ADORA2B: variants seen among roughly 807,000 people sequenced by gnomAD.
ADORA2B encodes the protein adenosine receptor A2b.
In ADORA2B, 18 loss-of-function variants were observed where a neutral mutation model predicts 20.8. The ratio of observed to expected loss-of-function variants is 0.87; its 90% CI spans 0.60 to 1.29. ADORA2B has a LOEUF of 1.29. ADORA2B is among the 50% of genes most tolerant of loss of function. The pLI is 0.00. For missense variants in ADORA2B, 441 were observed against 422.7 expected, an observed-to-expected ratio of 1.04 and a Z score of -0.38; for synonymous variants, 179 against 178.3, an observed-to-expected ratio of 1.00 and a Z score of -0.03.
intron 1 of ADORA2B, among the ~76,000 whole-genome samples, chr17:15,957,459 A>G (rs1308061459): frequency 6.6e-6 from 1 of 152,204 alleles, no homozygotes; most frequent in African/African-American, 2.4e-5. Flanking sequence ...GCTGGAAGAC[A>G]GGGCACACGG....
chr17:15,937,546 A>G, the ADORA2B span, among the ~76,000 whole-genome samples: 2 of 151,664 alleles, frequency 1.3e-5, no homozygotes, highest in Non-Finnish European at 2.9e-5. Context: ...ACATATTCCC[A>G]GGAATAAGAG....
At chr17:15,946,815 C>T (rs1037516583) in intron 1 of ADORA2B, among the ~76,000 whole-genome samples, 1 of 152,190 alleles carries the variant, frequency 6.6e-6, no homozygotes, top group South Asian at 2.1e-4. Flanking sequence ...GCCATCAGGC[C>T]ACTCTGCAAG....
Position 15,975,546 on chromosome 17 carries a change from A to G in ADORA2B, c.*204A>G, listed in dbSNP as rs535176480. ...GGATTGACAAATATATTTATGATCTATTCAGCTGCTTTTACTGTGTGGATT... is the reference window on the plus strand; with the variant it reads ...GGATTGACAAATATATTTATGATCTGTTCAGCTGCTTTTACTGTGTGGATT... On this transcript the variant is annotated 3_prime_UTR_variant, in exon 2 of 2. Coordinates refer to ENST00000304222, the MANE Select transcript of ADORA2B (RefSeq NM_000676.4). 1.0e-5 allele frequency: 6 copies of G among 589,406 alleles called. No individual in the cohort carries two copies. The highest frequency in any genetic ancestry group is 3.7e-5 in the African/African-American group (2 of 53,750). 36.5% of individuals were successfully genotyped at this position (589,406 alleles called of 1,614,324 possible).
chr17:15,924,518 T>C, the ADORA2B span, among the ~76,000 whole-genome samples: 2 of 151,996 alleles, frequency 1.3e-5, no homozygotes, highest in Admixed American at 1.3e-4. Context: ...AATCACGAGG[T>C]CAGGAGATCG....
At chr17:15,917,324 C>T in the ADORA2B span, among the ~76,000 whole-genome samples, 1 of 152,302 alleles carries the variant, frequency 6.6e-6, no homozygotes, top group African/African-American at 2.4e-5. Context: ...CTGGTGTCCT[C>T]TTGAAGAGGG....
the ADORA2B span, among the ~76,000 whole-genome samples, chr17:15,870,972 T>C: frequency 3.8e-3 from 572 of 152,326 alleles, 1 homozygote; most frequent in Non-Finnish European, 6.3e-3. Flanking sequence ...CACAGTGGCT[T>C]CTGAAGTGGC....
the ADORA2B span, among the ~76,000 whole-genome samples, chr17:15,861,757 C>T: frequency 1.3e-5 from 2 of 152,204 alleles, no homozygotes; most frequent in African/African-American, 2.4e-5. Flanking sequence ...TTTCAGTGCC[C>T]CTGGTCACCC....
At chr17:15,942,281 T>G (rs1393018277), upstream of ADORA2B, among the ~76,000 whole-genome samples, 1 of 152,124 alleles carries the variant, frequency 6.6e-6, no homozygotes, top group East Asian at 1.9e-4. Flanking sequence ...TCTCACTAGA[T>G]CCGGTTGTTA....
At chr17:15,857,138 T>C in the ADORA2B span, among the ~76,000 whole-genome samples, 1 of 152,210 alleles carries the variant, frequency 6.6e-6, no homozygotes, top group Non-Finnish European at 1.5e-5. Flanking sequence ...AAGGGGCCAA[T>C]GTACAGCTTG....
At chr17:15,862,894 T>TA in the ADORA2B span, among the ~76,000 whole-genome samples, 1 of 151,516 alleles carries the variant, frequency 6.6e-6, no homozygotes, top group African/African-American at 2.4e-5. Context: ...CCTAAGTAGC[T>TA]AGTAGTAGCT....
rs1310667155 is a variant in ADORA2B, at chr17:15,945,138, CAGGCGG to C, written c.-105_-100del. On this transcript the variant is annotated 5_prime_UTR_variant, in exon 1 of 2. Coordinates refer to ENST00000304222, the MANE Select transcript of ADORA2B (RefSeq NM_000676.4). ...CCCCAGCCCCGAGGCTCAGAAGCGG[CAGGCGG>C]AGGCGCGGTCCGGGCGCTATGGCCA... is the stretch of plus-strand genomic sequence containing the variant. The C allele has an allele frequency of 7.3e-6, 7 of 960,946 alleles. No homozygotes were observed. The highest frequency in any genetic ancestry group is 7.1e-4 in the Middle Eastern group (2 of 2,802). The allele number at this position is 960,946 out of a possible 1,614,324, so 59.5% of individuals were successfully genotyped here. A position where few individuals can be genotyped will look rare whatever the true frequency, so the allele number is the denominator to read the frequency against.
chr17:15,900,974 C>T, the ADORA2B span, among the ~76,000 whole-genome samples: 6 of 152,056 alleles, frequency 3.9e-5, no homozygotes, highest in Non-Finnish European at 8.8e-5. Flanking sequence ...AACGTGTGTC[C>T]CCAGGACTGC....
the ADORA2B span, among the ~76,000 whole-genome samples, chr17:15,857,270 T>C: frequency 2.0e-5 from 3 of 152,140 alleles, no homozygotes; most frequent in African/African-American, 7.2e-5. Flanking sequence ...TCAGAGGATG[T>C]ATGGAAATGC....
Position 15,974,715 on chromosome 17 carries a change from G to A in ADORA2B, c.372G>A (p.Gly124=). 6.2e-7 allele frequency: 1 copy of A among 1,614,074 alleles called. No individual in the cohort carries two copies. Among genetic ancestry groups the A allele is most frequent in the Non-Finnish European group, 8.5e-7 (1 of 1,180,014 alleles). The change falls in exon 2 of 2, where the codon GGG becomes GGA. Residue 124 remains glycine (G), a synonymous_variant. Transcript: ENST00000304222. The part of the protein sequence containing the change: ...KSLVTGTRAR[G]VIAVLWVLAF... ...TGGTCACGGGGACCCGAGCAAGAGG[G>A]GTCATTGCTGTCCTCTGGGTCCTTG...
the ADORA2B span, among the ~76,000 whole-genome samples, chr17:15,931,305 C>G: frequency 6.6e-6 from 1 of 152,234 alleles, no homozygotes; most frequent in Non-Finnish European, 1.5e-5. Context: ...CAAGGTCACC[C>G]TGAGGCAACT....
the ADORA2B span, among the ~76,000 whole-genome samples, chr17:15,854,018 C>T: frequency 2.0e-5 from 3 of 152,170 alleles, no homozygotes; most frequent in Non-Finnish European, 2.9e-5. Context: ...TGCAATGGCA[C>T]GATCCTGGCT....
chr17:15,869,042 A>T, the ADORA2B span, among the ~76,000 whole-genome samples: 1 of 151,204 alleles, frequency 6.6e-6, no homozygotes, highest in Admixed American at 6.6e-5. Flanking sequence ...ATTGAAGGCC[A>T]GGCACAGTGG....
chr17:15,867,607 T>A, the ADORA2B span, among the ~76,000 whole-genome samples: 1 of 145,614 alleles, frequency 6.9e-6, no homozygotes, highest in Non-Finnish European at 1.5e-5. Flanking sequence ...AGCCACCCCG[T>A]CGGGAAGGGA....
At chr17:15,967,987 C>T (rs1970142394) in intron 1 of ADORA2B, among the ~76,000 whole-genome samples, 2 of 152,170 alleles carry the variant, frequency 1.3e-5, no homozygotes, top group South Asian at 4.1e-4. Flanking sequence ...GCGGCTCCTT[C>T]TAGGGGAGGG....
Sources: allele counts gnomAD v4.1 joint callset (sites outside exome capture counted in the v4.1 genomes callset), GRCh38; gene constraint gnomAD v4.1.1; transcripts MANE v1.5; gene names NCBI Gene and HGNC (gene_info 2026-07-23, HGNC 2026-07-21).